Variants in CFDP1 observed in about 807,000 individuals in gnomAD.
CFDP1 encodes the protein heterochromatin-stabilizing protein CFDP1.
Under a neutral mutation model 40.1 loss-of-function variants are expected in CFDP1, and 31 were observed. That is an observed-to-expected ratio of 0.77 (90% CI 0.58 to 1.04). The LOEUF (loss-of-function observed/expected upper bound fraction) is 1.04, where lower values mean the gene tolerates loss of function less well. CFDP1 is among the 50% of genes least tolerant of loss of function. CFDP1 has a pLI of 0.00. For synonymous variants in CFDP1, 167 were observed against 120.0 expected, an observed-to-expected ratio of 1.39 and a Z score of -2.56; for missense variants, 423 against 343.4, an observed-to-expected ratio of 1.23 and a Z score of -1.83.
intron 5 of CFDP1, among the ~76,000 whole-genome samples, chr16:75,361,683 C>CA (rs1001067113): frequency 1.4e-4 from 22 of 151,906 alleles, no homozygotes; most frequent in Non-Finnish European, 2.9e-5. Flanking sequence ...GTAAAAAACT[C>CA]AAAGAATTAA....
intron 5 of CFDP1, among the ~76,000 whole-genome samples, chr16:75,348,994 G>C (rs1003301922): frequency 2.0e-5 from 3 of 152,104 alleles, no homozygotes; most frequent in Non-Finnish European, 4.4e-5. Flanking sequence ...AGCACCCTGA[G>C]TAGCTGGGAC....
intron 1 of CFDP1, among the ~76,000 whole-genome samples, chr16:75,428,097 G>C (rs952405371): frequency 6.6e-6 from 1 of 151,220 alleles, no homozygotes; most frequent in Admixed American, 6.6e-5. Context: ...GTGAGGGAGA[G>C]TTGTTTGACT....
chr16:75,305,293 G>T, intron 5 of CFDP1, 111 bp from the exon 6 acceptor site: 1 of 1,067,314 alleles, frequency 9.4e-7, no homozygotes, highest in Non-Finnish European at 1.4e-6. Context: ...TATCTTAGTG[G>T]AAGCCATGTT....
At chr16:75,299,418 T>G (rs2078206260) in intron 6 of CFDP1, among the ~76,000 whole-genome samples, 1 of 112,326 alleles carries the variant, frequency 8.9e-6, no homozygotes, top group Admixed American at 1.1e-4. Flanking sequence ...AAACCCCATC[T>G]CTACTTAAAA....
At chr16:75,406,636 G>C (rs1463469373) in intron 4 of CFDP1, 2 of 152,096 alleles carry the variant, frequency 1.3e-5, no homozygotes, top group African/African-American at 4.8e-5. Context: ...CGGAGGCATA[G>C]GTTGTGATGA....
intron 5 of CFDP1, among the ~76,000 whole-genome samples, chr16:75,307,216 ATTTATTTTTATTT>A (rs2078264899): frequency 6.6e-6 from 1 of 150,380 alleles, no homozygotes; most frequent in Non-Finnish European, 1.5e-5. Context: ...TTTTATTTTT[ATTTATTTTTATTT>A]TTTGAGACGG....
At chr16:75,430,275 T>C (rs1317684345) in intron 1 of CFDP1, among the ~76,000 whole-genome samples, 1 of 151,224 alleles carries the variant, frequency 6.6e-6, no homozygotes, top group Non-Finnish European at 1.5e-5. Flanking sequence ...GTTCAAGCAA[T>C]TCCCCTGCCC....
intron 5 of CFDP1, among the ~76,000 whole-genome samples, chr16:75,375,166 T>C (rs2078782920): frequency 6.6e-6 from 1 of 151,502 alleles, no homozygotes. Flanking sequence ...CTCAACCTTA[T>C]AGGCAGATTT....
intron 1 of CFDP1, among the ~76,000 whole-genome samples, chr16:75,430,053 G>A (rs1163503454): frequency 6.6e-6 from 1 of 152,184 alleles, no homozygotes; most frequent in East Asian, 1.9e-4. Context: ...GGGTGGGAGT[G>A]CTTCCAGGCT....
At chr16:75,351,122 T>C (rs1465577763) in intron 5 of CFDP1, among the ~76,000 whole-genome samples, 2 of 152,210 alleles carry the variant, frequency 1.3e-5, no homozygotes, top group Non-Finnish European at 2.9e-5. Context: ...TGACATCTCA[T>C]CATTCCGGTG....
At chr16:75,346,723 A>C (rs2078569002) in intron 5 of CFDP1, among the ~76,000 whole-genome samples, 1 of 145,752 alleles carries the variant, frequency 6.9e-6, no homozygotes, top group South Asian at 2.1e-4. Flanking sequence ...TTCCACTCAA[A>C]AAAAAAAAAA....
rs575405799 is a variant in CFDP1 at position 75,353,073 on chromosome 16, G to C, written c.650+42017C>G. Among the ~76,000 whole-genome samples the C allele has an allele frequency of 3.3e-5, 5 of 151,860 alleles. No homozygotes were observed. The South Asian group carries it at 1.0e-3, about 32-fold the overall frequency. On this transcript the variant is annotated intron_variant, in intron 5 of 6. Transcript: ENST00000283882. ...CAACATCCTCAGTTTCTTCAGCTCAGTTTCTTCAACAAATACATTCCAAGT... is the reference window on the plus strand; with the variant it reads ...CAACATCCTCAGTTTCTTCAGCTCACTTTCTTCAACAAATACATTCCAAGT...
chr16:75,429,185 T>C (rs1413072122), intron 1 of CFDP1, among the ~76,000 whole-genome samples: 1 of 152,124 alleles, frequency 6.6e-6, no homozygotes, highest in Non-Finnish European at 1.5e-5. Context: ...AAACAGATCT[T>C]ATACATTGAG....
At chr16:75,296,291 GA>G (rs777383531) in intron 6 of CFDP1, among the ~76,000 whole-genome samples, 8 of 152,186 alleles carry the variant, frequency 5.3e-5, no homozygotes, top group Non-Finnish European at 1.0e-4. Flanking sequence ...GCTCAGGCTG[GA>G]GTGCAGTGGT....
At chr16:75,311,334 G>T (rs1402799007) in intron 5 of CFDP1, among the ~76,000 whole-genome samples, 2 of 152,136 alleles carry the variant, frequency 1.3e-5, no homozygotes, top group Admixed American at 6.5e-5. Context: ...TACAGACAGG[G>T]ATCTTGCTAT....
intron 4 of CFDP1, among the ~76,000 whole-genome samples, chr16:75,400,729 T>C (rs2079044556): frequency 6.6e-6 from 1 of 152,242 alleles, no homozygotes; most frequent in African/African-American, 2.4e-5. Flanking sequence ...CCCTGAAGCC[T>C]AGGTGTTCTG....
At position 75,310,095 on chromosome 16, in the gene CFDP1, C is replaced by T. The variant is rs2078286255; in HGVS notation, c.651-4913G>A. ...CTGGAATGTTATTACCAAGATGTTT[C>T]CAATGTCACAATGACATTGCAACCA... On this transcript the variant is annotated intron_variant, in intron 5 of 6. Coordinates refer to ENST00000283882, the MANE Select transcript of CFDP1 (RefSeq NM_006324.3). Among the ~76,000 whole-genome samples, 4 of 152,142 alleles carry T rather than the reference C, an allele frequency of 2.6e-5. No homozygotes were observed. In the South Asian group the frequency reaches 8.3e-4, roughly 32 times the overall value.
intron 5 of CFDP1, among the ~76,000 whole-genome samples, chr16:75,369,757 A>G (rs2078738996): frequency 6.6e-6 from 1 of 151,916 alleles, no homozygotes; most frequent in Non-Finnish European, 1.5e-5. Flanking sequence ...TACTTACTGT[A>G]TTTATTTGTT....
intron 5 of CFDP1, among the ~76,000 whole-genome samples, chr16:75,343,097 C>G (rs933510754): frequency 1.3e-5 from 2 of 152,140 alleles, no homozygotes; most frequent in Admixed American, 6.5e-5. Context: ...AGTGAACAAA[C>G]CCCATAGGTA....
Sources: gnomAD v4.1 joint callset for allele counts (sites outside exome capture counted in the v4.1 genomes callset) on GRCh38, gnomAD v4.1.1 for gene constraint, MANE v1.5 for transcripts, NCBI Gene and HGNC (gene_info 2026-07-23, HGNC 2026-07-21) for gene names.